Variants in MALRD1 observed in about 807,000 individuals in gnomAD.
MALRD1 encodes the protein MAM and LDL receptor class A domain containing 1.
In MALRD1, 247 loss-of-function variants were observed where a neutral mutation model predicts 242.1. That is an observed-to-expected ratio of 1.02 (90% CI 0.92 to 1.13). MALRD1 has a LOEUF of 1.13. Ranked by LOEUF, MALRD1 falls within the 50% of genes most tolerant of loss-of-function variation. The probability of loss-of-function intolerance (pLI) is 0.00; values close to 1 mark genes in which losing one functional copy is unlikely to be tolerated. For synonymous variants in MALRD1, 995 were observed against 866.6 expected (o/e 1.15, Z -2.60); for missense variants, 2,989 against 2,533.1 (o/e 1.18, Z -3.86).
chr10:19,701,349 C>A (rs141360637), intron 38 of MALRD1, among the ~76,000 whole-genome samples: 1 of 152,038 alleles, frequency 6.6e-6, no homozygotes, highest in Non-Finnish European at 1.5e-5. Context: ...TAAGTGGATG[C>A]GGCCCGGATA....
intron 31 of MALRD1, among the ~76,000 whole-genome samples, chr10:19,521,888 A>T (rs2131319109): frequency 6.6e-6 from 1 of 152,082 alleles, no homozygotes; most frequent in East Asian, 1.9e-4. Context: ...TGTTATTGTC[A>T]TCATCATTGT....
intron 14 of MALRD1, among the ~76,000 whole-genome samples, chr10:19,176,625 C>T (rs1588656496): frequency 1.3e-5 from 2 of 151,662 alleles, no homozygotes; most frequent in Non-Finnish European, 2.9e-5. Context: ...CCACCCGCCT[C>T]GGCCTCCCAA....
intron 14 of MALRD1, among the ~76,000 whole-genome samples, chr10:19,179,329 T>C (rs973052659): frequency 1.4e-4 from 21 of 152,076 alleles, no homozygotes; most frequent in African/African-American, 4.6e-4. Context: ...TCAATGACAA[T>C]GTATTGTACA....
At chr10:19,136,882 T>C in intron 10 of MALRD1, 101 bp downstream of exon 10, 1 of 732,722 alleles carries the variant, frequency 1.4e-6, no homozygotes, top group Non-Finnish European at 1.9e-6. Context: ...GTAAGTCATA[T>C]GTATGAAATG....
chr10:19,592,522 C>T (rs1467049603), intron 33 of MALRD1, among the ~76,000 whole-genome samples: 1 of 152,136 alleles, frequency 6.6e-6, no homozygotes, highest in African/African-American at 2.4e-5. Context: ...GAATGAACAC[C>T]TTGATGTGGA....
intron 11 of MALRD1, among the ~76,000 whole-genome samples, chr10:19,154,140 C>G (rs11008689): frequency 0.064 from 9,675 of 152,210 alleles, 390 homozygotes; most frequent in East Asian, 0.23. Flanking sequence ...TAATCTTTAT[C>G]TTTCCAAGTT....
At chr10:19,507,692 A>T (rs943250318) in intron 31 of MALRD1, among the ~76,000 whole-genome samples, 5 of 152,190 alleles carry the variant, frequency 3.3e-5, no homozygotes, top group African/African-American at 1.2e-4. Context: ...ACTCAAAAGG[A>T]GTTAATTACT....
At chr10:19,398,346 C>G (rs1475327958) in intron 28 of MALRD1, among the ~76,000 whole-genome samples, 2 of 151,754 alleles carry the variant, frequency 1.3e-5, no homozygotes, top group Non-Finnish European at 2.9e-5. Flanking sequence ...AAATTAATAC[C>G]AATTATTAAA....
intron 36 of MALRD1, among the ~76,000 whole-genome samples, chr10:19,626,589 G>T (rs1198427643): frequency 6.6e-6 from 1 of 151,810 alleles, no homozygotes; most frequent in Non-Finnish European, 1.5e-5. Context: ...TAGATAATTG[G>T]AAAAGGGCTC....
intron 21 of MALRD1, among the ~76,000 whole-genome samples, chr10:19,297,575 C>T (rs150588816): frequency 6.6e-6 from 1 of 151,760 alleles, no homozygotes; most frequent in East Asian, 1.9e-4. Context: ...CATACCCTGC[C>T]TCATAAATGT....
chr10:19,378,773 T>A (rs144917253), intron 26 of MALRD1, among the ~76,000 whole-genome samples: 85 of 152,262 alleles, frequency 5.6e-4, no homozygotes, highest in African/African-American at 1.9e-3. Flanking sequence ...TGGTCTATCA[T>A]CTTGTCATGT....
chr10:19,202,044 G>A (rs940034261), intron 14 of MALRD1, among the ~76,000 whole-genome samples: 2 of 152,034 alleles, frequency 1.3e-5, no homozygotes. Context: ...TCGATCTCTT[G>A]ACCTTGTGAT....
In MALRD1 at chr10:19,449,534, T is replaced by TGA. The variant is rs1266603895; in HGVS notation, c.4846-770_4846-769dup. Among the ~76,000 whole-genome samples the TGA allele has an allele frequency of 2.0e-5, 3 of 149,586 alleles. No individual in the cohort carries two copies. The East Asian group carries it at 5.8e-4, about 29-fold the overall frequency. On this transcript the variant is annotated intron_variant, in intron 28 of 39. Coordinates refer to ENST00000454679, the MANE Select transcript of MALRD1 (RefSeq NM_001142308.3). ...GTAGATTAATATGCCTCTGTTTTGG[T>TGA]GAGATAAACTATGTCATAGTTATCA...
intron 21 of MALRD1, among the ~76,000 whole-genome samples, chr10:19,316,133 C>G (rs146464271): frequency 9.9e-5 from 15 of 150,832 alleles, no homozygotes; most frequent in Non-Finnish European, 2.1e-4. Context: ...TAAGGAAACT[C>G]CTTAGTAAAT....
Position 19,389,625 on chromosome 10 carries a change from G to A in MALRD1, c.4845+16G>A, listed in dbSNP as rs1286631976. The A allele has an allele frequency of 6.5e-6, 10 of 1,546,340 alleles. No homozygotes were observed. Among genetic ancestry groups the A allele is most frequent in the Non-Finnish European group, 8.7e-6 (10 of 1,145,124 alleles). On this transcript the variant is annotated intron_variant, in intron 28 of 39. Coordinates refer to ENST00000454679, the MANE Select transcript of MALRD1 (RefSeq NM_001142308.3). ...TCTCATCAAGGTAGGAACATGGCCT[G>A]TGATGCCTCTGAGCTTGTTTTGTTC...
At chr10:19,478,508 A>G (rs924195958) in intron 29 of MALRD1, among the ~76,000 whole-genome samples, 1 of 152,200 alleles carries the variant, frequency 6.6e-6, no homozygotes, top group Non-Finnish European at 1.5e-5. Context: ...AGTTAGAGTT[A>G]AAATTCAGCA....
At chr10:19,104,632 C>G (rs528566517) in intron 5 of MALRD1, among the ~76,000 whole-genome samples, 1 of 151,840 alleles carries the variant, frequency 6.6e-6, no homozygotes, top group South Asian at 2.1e-4. Flanking sequence ...CATAAAATAC[C>G]AGGCTTAATC....
chr10:19,549,545 A>G (rs570765454), intron 32 of MALRD1, among the ~76,000 whole-genome samples: 1 of 152,290 alleles, frequency 6.6e-6, no homozygotes, highest in South Asian at 2.1e-4. Context: ...GGTCATTAGC[A>G]TATTTTAGCA....
At chr10:19,429,182 C>T (rs992542478) in intron 28 of MALRD1, among the ~76,000 whole-genome samples, 1 of 152,170 alleles carries the variant, frequency 6.6e-6, no homozygotes, top group East Asian at 1.9e-4. Flanking sequence ...CTTCACGTTA[C>T]AACTGAGGAA....
Sources: gnomAD v4.1 joint callset for allele counts (sites outside exome capture counted in the v4.1 genomes callset) on GRCh38, gnomAD v4.1.1 for gene constraint, MANE v1.5 for transcripts, NCBI Gene and HGNC (gene_info 2026-07-23, HGNC 2026-07-21) for gene names.